The following B4GALT4 variants were observed in gnomAD, a reference collection of about 807,000 sequenced individuals.
B4GALT4 encodes the protein N-acetyllactosamine synthase.
In B4GALT4, 27 loss-of-function variants were observed where a neutral mutation model predicts 37.3. The observed-to-expected ratio is 0.72, with a 90% CI of 0.53 to 1.00. The LOEUF (loss-of-function observed/expected upper bound fraction) is 1.00, where lower values mean the gene tolerates loss of function less well. Ranked by LOEUF, B4GALT4 falls within the 50% of genes least tolerant of loss-of-function variation. The pLI is 0.00. For synonymous variants in B4GALT4, 148 were observed against 154.1 expected, an observed-to-expected ratio of 0.96 and a Z score of 0.29; for missense variants, 372 against 413.1, an observed-to-expected ratio of 0.90 and a Z score of 0.86.
intron 1 of B4GALT4, among the ~76,000 whole-genome samples, chr3:119,237,587 C>T (rs1478405646): frequency 6.6e-6 from 1 of 152,214 alleles, no homozygotes; most frequent in African/African-American, 2.4e-5. Flanking sequence ...TGATTCTTAT[C>T]TGCATTAAAG....
intron 6 of B4GALT4, 117 bp from the exon 7 acceptor site, chr3:119,216,461 CACACACACACAGTGTCACAA>C: frequency 2.0e-6 from 1 of 488,442 alleles, no homozygotes; most frequent in African/African-American, 2.0e-5. Context: ...CACACACACA[CACACACACACAGTGTCACAA>C]ACAGCTTGAT....
At chr3:119,239,572 C>A (rs1014125815) in intron 1 of B4GALT4, among the ~76,000 whole-genome samples, 1 of 152,170 alleles carries the variant, frequency 6.6e-6, no homozygotes, top group African/African-American at 2.4e-5. Context: ...ATACTAAATA[C>A]TTATTATATT....
At chr3:119,221,570 A>G (rs923646838) in intron 5 of B4GALT4, among the ~76,000 whole-genome samples, 7 of 152,248 alleles carry the variant, frequency 4.6e-5, no homozygotes, top group African/African-American at 1.4e-4. Flanking sequence ...TCCTACCTAC[A>G]TTACTTATAC....
At chr3:119,216,104 T>C in intron 7 of B4GALT4, 136 bp downstream of exon 7, 1 of 573,338 alleles carries the variant, frequency 1.7e-6, no homozygotes, top group Non-Finnish European at 2.8e-6. Context: ...TCTCCTTTTG[T>C]GTCTGTTTGA....
At chr3:119,226,122 T>C (rs1271545281) in intron 4 of B4GALT4, among the ~76,000 whole-genome samples, 1 of 148,838 alleles carries the variant, frequency 6.7e-6, no homozygotes, top group East Asian at 1.9e-4. Flanking sequence ...GTTTAGACAC[T>C]GATGTTTAAA....
chr3:119,227,631 C>T (rs114245609), intron 3 of B4GALT4, among the ~76,000 whole-genome samples: 192 of 152,310 alleles, frequency 1.3e-3, no homozygotes, highest in African/African-American at 4.3e-3. Context: ...CCACAACAGA[C>T]GTTTCCAATC....
At chr3:119,237,729 G>C (rs2079025716) in intron 1 of B4GALT4, among the ~76,000 whole-genome samples, 1 of 152,182 alleles carries the variant, frequency 6.6e-6, no homozygotes, top group Non-Finnish European at 1.5e-5. Flanking sequence ...TATTTGAAAG[G>C]TTTTTGATTC....
intron 6 of B4GALT4, among the ~76,000 whole-genome samples, chr3:119,216,694 G>A (rs2078303915): frequency 1.3e-5 from 2 of 152,118 alleles, no homozygotes; most frequent in South Asian, 4.1e-4. Context: ...AAGAATAGGA[G>A]AATCAAGTCT....
chr3:119,212,274 T>C lies in B4GALT4; in HGVS notation c.*275A>G. On this transcript the variant is annotated 3_prime_UTR_variant, in exon 8 of 8. Transcript: ENST00000393765. ...CCAGAGTCCTCAAATAGCGTTCATTTTATCCTTTGAGTCATCCTTTTATAT... is the reference window on the plus strand; with the variant it reads ...CCAGAGTCCTCAAATAGCGTTCATTCTATCCTTTGAGTCATCCTTTTATAT... 1 of 701,038 alleles carries C rather than the reference T, an allele frequency of 1.4e-6. No homozygotes were observed. The highest frequency in any genetic ancestry group is 2.7e-5 in the East Asian group (1 of 37,278). 43.4% of individuals were successfully genotyped at this position (701,038 alleles called of 1,614,324 possible). A position where few individuals can be genotyped will look rare whatever the true frequency, so the allele number is the denominator to read the frequency against.
rs77391278 is a variant in B4GALT4 at position 119,230,387 on chromosome 3, C to T, written c.-145-143G>A. ...GTCTTCCACTTAGCATTTAGAGATT[C>T]GAAAACCAGAGGTTTTAGAGGTTCC... On this transcript the variant is annotated intron_variant, in intron 2 of 7. Transcript: ENST00000393765. The T allele has an allele frequency of 1.2e-4, 44 of 374,030 alleles. 2 individuals carry two copies. The South Asian group carries it at 1.3e-3, about 11-fold the overall frequency. The allele number at this position is 374,030 out of a possible 1,614,324, so 23.2% of individuals were successfully genotyped here. A position where few individuals can be genotyped will look rare whatever the true frequency, so the allele number is the denominator to read the frequency against.
chr3:119,228,250 C>G (rs1320400543), intron 3 of B4GALT4, among the ~76,000 whole-genome samples: 1 of 152,158 alleles, frequency 6.6e-6, no homozygotes, highest in Admixed American at 6.5e-5. Flanking sequence ...AAACTAGTCC[C>G]CCGGCTCACC....
intron 5 of B4GALT4, among the ~76,000 whole-genome samples, chr3:119,220,547 A>T (rs918140678): frequency 2.6e-5 from 4 of 152,214 alleles, no homozygotes; most frequent in African/African-American, 4.8e-5. Context: ...GGGGGCCTGG[A>T]AGGATTCAAA....
At chr3:119,234,417 G>C (rs1265115241) in intron 2 of B4GALT4, among the ~76,000 whole-genome samples, 2 of 152,170 alleles carry the variant, frequency 1.3e-5, no homozygotes, top group African/African-American at 4.8e-5. Flanking sequence ...ACCATGCCTG[G>C]CCAGGAACAC....
intron 5 of B4GALT4, 40 bp from the exon 6 acceptor site, chr3:119,218,812 C>G: frequency 3.1e-6 from 5 of 1,608,832 alleles, no homozygotes; most frequent in Non-Finnish European, 4.2e-6. Context: ...AGAATATTCG[C>G]ACCAAAGGTC....
chr3:119,227,322 G>GAAT (rs1194814587), intron 3 of B4GALT4, among the ~76,000 whole-genome samples: 1 of 152,198 alleles, frequency 6.6e-6, no homozygotes, highest in African/African-American at 2.4e-5. Flanking sequence ...CTGTAAGAGG[G>GAAT]AATATCCTGG....
At chr3:119,236,728 A>G (rs1293859945) in intron 2 of B4GALT4, 125 bp downstream of exon 2, 1 of 152,246 alleles carries the variant, frequency 6.6e-6, no homozygotes, top group Non-Finnish European at 1.5e-5. Context: ...GGTGGGAAAT[A>G]AAGATTAATA....
intron 3 of B4GALT4, among the ~76,000 whole-genome samples, chr3:119,227,824 T>C (rs2078672027): frequency 6.6e-6 from 1 of 152,198 alleles, no homozygotes; most frequent in South Asian, 2.1e-4. Context: ...AAAGCAGTCA[T>C]AGGCCCTTCC....
chr3:119,238,272 A>AAG (rs1329647772), intron 1 of B4GALT4, among the ~76,000 whole-genome samples: 2 of 151,170 alleles, frequency 1.3e-5, no homozygotes, highest in Non-Finnish European at 3.0e-5. Context: ...CTAAAAAAAA[A>AAG]AAAAAAAAAA....
chr3:119,211,854 A>T lies in B4GALT4; in HGVS notation c.*695T>A. The T allele has an allele frequency of 3.0e-6, 1 of 335,528 alleles. No homozygotes were observed. Among genetic ancestry groups the T allele is most frequent in the Middle Eastern group, 7.6e-4 (1 of 1,310 alleles). The allele number at this position is 335,528 out of a possible 1,614,324, so 20.8% of individuals were successfully genotyped here. A position where few individuals can be genotyped will look rare whatever the true frequency, so the allele number is the denominator to read the frequency against. Reference sequence around the variant, plus strand: ...TACTTGTACAAAATCATTTTACAAAAACTCTTTAAAAACTAATAGAGAATG... The same window carrying T: ...TACTTGTACAAAATCATTTTACAAATACTCTTTAAAAACTAATAGAGAATG... On this transcript the variant is annotated 3_prime_UTR_variant, in exon 8 of 8. Transcript: ENST00000393765.
Sources: allele counts gnomAD v4.1 joint callset (sites outside exome capture counted in the v4.1 genomes callset), GRCh38; gene constraint gnomAD v4.1.1; transcripts MANE v1.5; gene names NCBI Gene and HGNC (gene_info 2026-07-23, HGNC 2026-07-21).